The following NELL2 variants were observed in gnomAD, a reference collection of about 807,000 sequenced individuals.
NELL2 encodes the protein protein kinase C-binding protein NELL2.
NELL2 carries 41 observed loss-of-function variants against 109.6 expected under a neutral mutation model. That is an observed-to-expected ratio of 0.37 (90% CI 0.29 to 0.49). The LOEUF is 0.49. Among genes scored for constraint, NELL2 ranks in the 20% least tolerant of loss-of-function variants. The pLI is 0.98. For synonymous variants in NELL2, 355 were observed against 344.7 expected (o/e 1.03, Z -0.33); for missense variants, 900 against 1,008.3 (o/e 0.89, Z 1.45).
chr12:44,512,035 A>G (rs920727426), intron 19 of NELL2, among the ~76,000 whole-genome samples: 1 of 152,276 alleles, frequency 6.6e-6, no homozygotes, highest in Middle Eastern at 3.4e-3. Flanking sequence ...AATCAACAGA[A>G]TGAAGAGACA....
chr12:44,847,610 G>A (rs1486184032), intron 2 of NELL2, among the ~76,000 whole-genome samples: 1 of 149,056 alleles, frequency 6.7e-6, no homozygotes, highest in Non-Finnish European at 1.5e-5. Context: ...ATGACACCAA[G>A]GGAGCAGAAA....
chr12:44,550,644 G>A (rs1011420532), intron 15 of NELL2, among the ~76,000 whole-genome samples: 11 of 151,980 alleles, frequency 7.2e-5, no homozygotes, highest in Non-Finnish European at 1.6e-4. Flanking sequence ...AACAGATAAG[G>A]AAATTGTGGT....
intron 12 of NELL2, 107 bp downstream of exon 12, chr12:44,703,619 G>T: frequency 8.7e-7 from 1 of 1,148,226 alleles, no homozygotes; most frequent in Non-Finnish European, 1.3e-6. Flanking sequence ...TAAATTCACT[G>T]CTTTTAATGG....
At chr12:44,748,887 C>T (rs915737725) in intron 9 of NELL2, among the ~76,000 whole-genome samples, 2 of 152,104 alleles carry the variant, frequency 1.3e-5, no homozygotes, top group African/African-American at 4.8e-5. Flanking sequence ...CAAGAAAAAG[C>T]AAAGTTATTA....
intron 1 of NELL2, among the ~76,000 whole-genome samples, chr12:44,892,081 G>A (rs1022321190): frequency 6.6e-6 from 1 of 152,206 alleles, no homozygotes; most frequent in Non-Finnish European, 1.5e-5. Flanking sequence ...TGGTGAAGTT[G>A]AGAGGCTGTC....
chr12:44,689,273 C>T (rs529851903), intron 12 of NELL2, among the ~76,000 whole-genome samples: 9 of 152,188 alleles, frequency 5.9e-5, no homozygotes, highest in Middle Eastern at 3.4e-3. Flanking sequence ...AAGGAGATCT[C>T]GTCCACAAAG....
chr12:44,857,994 T>C (rs1300083323), intron 2 of NELL2, among the ~76,000 whole-genome samples: 2 of 152,144 alleles, frequency 1.3e-5, no homozygotes, highest in African/African-American at 2.4e-5. Flanking sequence ...ACACAAAATC[T>C]AGCATTTCCA....
chr12:44,868,497 C>T (rs2658950), intron 2 of NELL2, among the ~76,000 whole-genome samples: 144 of 152,030 alleles, frequency 9.5e-4, no homozygotes, highest in Non-Finnish European at 1.3e-3. Context: ...AAAGAACATA[C>T]GAATGCAAAT....
intron 9 of NELL2, among the ~76,000 whole-genome samples, chr12:44,770,451 A>T (rs1490604671): frequency 6.6e-6 from 1 of 152,176 alleles, no homozygotes; most frequent in Non-Finnish European, 1.5e-5. Flanking sequence ...GACCCAGAAA[A>T]TCCGACTTGT....
At chr12:44,653,119 C>T (rs962119667) in intron 13 of NELL2, among the ~76,000 whole-genome samples, 3 of 152,124 alleles carry the variant, frequency 2.0e-5, no homozygotes, top group Admixed American at 6.5e-5. Context: ...AGGATGTGAA[C>T]ATTTTTGGAG....
At chr12:44,509,916 G>A (rs1486800366) in intron 19 of NELL2, among the ~76,000 whole-genome samples, 2 of 152,066 alleles carry the variant, frequency 1.3e-5, no homozygotes, top group Non-Finnish European at 2.9e-5. Context: ...AACGCACAGA[G>A]GAGAGTTTTG....
At position 44,703,860 on chromosome 12, in the gene NELL2, G is replaced by GA. The variant is rs139956751; in HGVS notation, c.1190-7dup. On this transcript the variant is annotated splice_region_variant and splice_polypyrimidine_tract_variant and intron_variant, in intron 11 of 19. Coordinates refer to ENST00000429094, the MANE Select transcript of NELL2 (RefSeq NM_001145108.2). ...TTCAGAACAAAAGTCATAACCTACAGAAAAAAAAAGAAATTTATTAAGGTA... is the reference window on the plus strand; with the variant it reads ...TTCAGAACAAAAGTCATAACCTACAGAAAAAAAAAAGAAATTTATTAAGGTA... The GA allele has an allele frequency of 0.013, 20,648 of 1,530,948 alleles. 1,426 individuals are homozygous for GA. The African/African-American group carries it at 0.21, about 16-fold the overall frequency. 94.8% of individuals were successfully genotyped at this position (1,530,948 alleles called of 1,614,324 possible).
At chr12:44,578,720 A>G (rs1944206874) in intron 15 of NELL2, among the ~76,000 whole-genome samples, 1 of 152,144 alleles carries the variant, frequency 6.6e-6, no homozygotes, top group African/African-American at 2.4e-5. Flanking sequence ...CAAAGTCAAA[A>G]AGAAAAATTT....
chr12:44,719,569 TA>T (rs1044528829), intron 9 of NELL2, among the ~76,000 whole-genome samples: 1 of 152,292 alleles, frequency 6.6e-6, no homozygotes, highest in African/African-American at 2.4e-5. Flanking sequence ...CTTACAAAAT[TA>T]AAAGTTATAA....
intron 9 of NELL2, among the ~76,000 whole-genome samples, chr12:44,729,174 T>C (rs937911029): frequency 2.6e-5 from 4 of 152,092 alleles, no homozygotes; most frequent in African/African-American, 7.2e-5. Flanking sequence ...TATAAAAATA[T>C]GTTAATGGAC....
At chr12:44,842,675 C>T (rs1377630791) in intron 2 of NELL2, among the ~76,000 whole-genome samples, 1 of 152,074 alleles carries the variant, frequency 6.6e-6, no homozygotes, top group Non-Finnish European at 1.5e-5. Flanking sequence ...ACTGTGTCCC[C>T]CCAAAAATTC....
At chr12:44,604,391 T>C (rs1945321839) in intron 15 of NELL2, among the ~76,000 whole-genome samples, 1 of 152,160 alleles carries the variant, frequency 6.6e-6, no homozygotes, top group African/African-American at 2.4e-5. Flanking sequence ...TTCACGTTTC[T>C]GTGCCATATC....
intron 13 of NELL2, among the ~76,000 whole-genome samples, chr12:44,613,088 C>A (rs997800960): frequency 6.6e-6 from 1 of 151,956 alleles, no homozygotes; most frequent in Non-Finnish European, 1.5e-5. Context: ...GTGTCCTTCC[C>A]CACAGATTCT....
chr12:44,555,796 C>T (rs1452257), intron 15 of NELL2, among the ~76,000 whole-genome samples: 69,766 of 151,996 alleles, frequency 0.46, 17,397 homozygotes, highest in East Asian at 0.69. Flanking sequence ...AATCTAGCAG[C>T]AAATCTGCCT....
Sources: allele counts gnomAD v4.1 joint callset (sites outside exome capture counted in the v4.1 genomes callset), GRCh38; gene constraint gnomAD v4.1.1; transcripts MANE v1.5; gene names NCBI Gene and HGNC (gene_info 2026-07-23, HGNC 2026-07-21).